SLC2A12: variants seen among roughly 807,000 people sequenced by gnomAD.
SLC2A12 encodes the protein solute carrier family 2, facilitated glucose transporter member 12.
SLC2A12 carries 23 observed loss-of-function variants against 41.8 expected under a neutral mutation model. That is an observed-to-expected ratio of 0.55 (90% CI 0.40 to 0.78). The LOEUF is 0.78. SLC2A12 is among the 30% of genes least tolerant of loss of function. SLC2A12 has a pLI of 0.00. For missense variants in SLC2A12, 654 were observed against 745.6 expected (o/e 0.88, Z 1.43); for synonymous variants, 295 against 285.9 (o/e 1.03, Z -0.32).
chr6:134,006,193 C>A (rs12194166), intron 3 of SLC2A12, among the ~76,000 whole-genome samples: 26,435 of 118,948 alleles, frequency 0.22, 3,126 homozygotes, highest in African/African-American at 0.33. Flanking sequence ...AAAAAAAAAA[C>A]AAAAAAAAAA....
chr6:134,021,603 T>C (rs1047741379), intron 2 of SLC2A12, among the ~76,000 whole-genome samples: 6 of 152,180 alleles, frequency 3.9e-5, no homozygotes, highest in African/African-American at 1.4e-4. Context: ...CTCTAGGAGA[T>C]AGGACAGATA....
At chr6:133,997,644 C>T (rs1236547473) in intron 4 of SLC2A12, among the ~76,000 whole-genome samples, 1 of 152,080 alleles carries the variant, frequency 6.6e-6, no homozygotes, top group South Asian at 2.1e-4. Flanking sequence ...ACTGAGACGA[C>T]TGGAGAGGAG....
chr6:133,997,085 CAAAAAAAAAAAAAAAA>C (rs58295985), intron 4 of SLC2A12, among the ~76,000 whole-genome samples: 1 of 70,716 alleles, frequency 1.4e-5, no homozygotes, highest in African/African-American at 5.5e-5. Flanking sequence ...ACTAAAAATA[CAAAAAAAAAAAAAAAA>C]AAAAAAAAAG....
intron 2 of SLC2A12, among the ~76,000 whole-genome samples, chr6:134,010,794 C>G (rs949460256): frequency 6.6e-6 from 1 of 152,270 alleles, no homozygotes; most frequent in South Asian, 2.1e-4. Context: ...GTTGAAGTCT[C>G]TCTGTCTCCG....
intron 2 of SLC2A12, among the ~76,000 whole-genome samples, chr6:134,010,214 C>T (rs1776861863): frequency 6.6e-6 from 1 of 152,128 alleles, no homozygotes; most frequent in African/African-American, 2.4e-5. Context: ...TCACTAATTC[C>T]TTTTCCCAAT....
Position 133,991,158 on chromosome 6 carries a change from G to A in SLC2A12, c.1851C>T (p.Thr617=), listed in dbSNP as rs137901312. ...CGTTCAGAAGGTGTTGAGGCCATTA[G>A]GTCTCTGGAGAAAGCTGCCTGGATT... ...RGQSRQLSPE[T] The change falls in exon 5 of 5, where the codon ACC becomes ACT. Residue 617 remains threonine (T), a synonymous_variant. Transcript: ENST00000275230. The A allele has an allele frequency of 1.2e-5, 20 of 1,612,266 alleles. No homozygotes were observed. Among genetic ancestry groups the A allele is most frequent in the Non-Finnish European group, 1.6e-5 (19 of 1,179,580 alleles).
chr6:134,046,459 A>G (rs1212690853), intron 1 of SLC2A12, among the ~76,000 whole-genome samples: 3 of 152,222 alleles, frequency 2.0e-5, no homozygotes, highest in African/African-American at 7.2e-5. Flanking sequence ...TAAAACTAGA[A>G]TGATGTAATA....
At chr6:133,994,228 A>G (rs1776656209) in intron 4 of SLC2A12, among the ~76,000 whole-genome samples, 1 of 152,238 alleles carries the variant, frequency 6.6e-6, no homozygotes, top group Admixed American at 6.5e-5. Flanking sequence ...GTAGTCGGAT[A>G]ACATTGACAT....
rs1474760477 is a variant in SLC2A12 at position 133,988,736 on chromosome 6, A to T, written c.*2419T>A. ...GACTTGTATTTTTCCTTTTTTTTAA[A>T]AAAAAAGTGTTTATTTCCTTTATTT... On this transcript the variant is annotated 3_prime_UTR_variant, in exon 5 of 5. Coordinates refer to ENST00000275230, the MANE Select transcript of SLC2A12 (RefSeq NM_145176.3). 2.6e-5 allele frequency: 4 copies of T among 151,934 alleles called. No homozygotes were observed. The highest frequency in any genetic ancestry group is 4.8e-5 in the African/African-American group (2 of 41,348). The allele number at this position is 151,934 out of a possible 1,614,324, so 9.4% of individuals were successfully genotyped here.
intron 3 of SLC2A12, among the ~76,000 whole-genome samples, chr6:134,004,386 C>T (rs912865101): frequency 5.3e-5 from 8 of 152,180 alleles, no homozygotes; most frequent in South Asian, 2.1e-4. Context: ...ACCCAAACCA[C>T]GCTTAAATAG....
At chr6:134,017,684 C>G (rs556644138) in intron 2 of SLC2A12, among the ~76,000 whole-genome samples, 85 of 152,064 alleles carry the variant, frequency 5.6e-4, no homozygotes, top group African/African-American at 2.0e-3. Flanking sequence ...AACCCTGTCT[C>G]TACTAAAAAT....
intron 1 of SLC2A12, among the ~76,000 whole-genome samples, chr6:134,049,341 T>A (rs1392969735): frequency 2.0e-5 from 3 of 152,004 alleles, no homozygotes; most frequent in African/African-American, 7.3e-5. Flanking sequence ...CAGTTGGGGG[T>A]GAAGGGAAAC....
chr6:134,002,137 G>A lies in SLC2A12; in HGVS notation c.1568-8C>T. 6.3e-7 allele frequency: 1 copy of A among 1,588,038 alleles called. No homozygotes were observed. On this transcript the variant is annotated splice_polypyrimidine_tract_variant and splice_region_variant and intron_variant, in intron 3 of 4. Transcript: ENST00000275230. ...ATGGCAGGCCAATAAGATCTATAAA[G>A]GACAAAAGAAATTGATTAGAAATGT... is the stretch of plus-strand genomic sequence containing the variant.
chr6:134,047,925 C>T (rs1424473828), intron 1 of SLC2A12, among the ~76,000 whole-genome samples: 1 of 152,316 alleles, frequency 6.6e-6, no homozygotes, highest in East Asian at 1.9e-4. Flanking sequence ...CTTCCTGCAG[C>T]GTGTGTCTGC....
rs140933939 is a variant in SLC2A12, at chr6:134,039,952, C to T, written c.104-10231G>A. Among the ~76,000 whole-genome samples, 420 of 152,272 alleles carry T rather than the reference C, an allele frequency of 2.8e-3. 2 individuals are homozygous for T. The highest frequency in any genetic ancestry group is 8.2e-3 in the African/African-American group (342 of 41,544). ...CATGATTGGAGGCTTCTCGAGGCCTCCCCAGAAGCAGATGTCACTATGCTT... is the reference window on the plus strand; with the variant it reads ...CATGATTGGAGGCTTCTCGAGGCCTTCCCAGAAGCAGATGTCACTATGCTT... On this transcript the variant is annotated intron_variant, in intron 1 of 4. Transcript: ENST00000275230.
At chr6:134,049,716 C>G (rs1279998822) in intron 1 of SLC2A12, among the ~76,000 whole-genome samples, 5 of 152,130 alleles carry the variant, frequency 3.3e-5, no homozygotes, top group African/African-American at 7.2e-5. Context: ...GAATTAAGTT[C>G]ATTAGCTTCT....
chr6:134,040,057 T>TA (rs1777359993), intron 1 of SLC2A12, among the ~76,000 whole-genome samples: 4 of 86,372 alleles, frequency 4.6e-5, no homozygotes, highest in Non-Finnish European at 8.7e-5. Flanking sequence ...TGTTGTTTTT[T>TA]GTTTTTTTTT....
chr6:134,046,930 A>T (rs1777462997), intron 1 of SLC2A12, among the ~76,000 whole-genome samples: 1 of 152,210 alleles, frequency 6.6e-6, no homozygotes, highest in South Asian at 2.1e-4. Flanking sequence ...TAATACAGAA[A>T]AAAAATTTGA....
chr6:134,024,624 G>A (rs1012561350), intron 2 of SLC2A12, among the ~76,000 whole-genome samples: 7 of 152,158 alleles, frequency 4.6e-5, no homozygotes, highest in African/African-American at 1.7e-4. Flanking sequence ...GACTGCACTC[G>A]TGCATTTTTA....
Sources: allele counts gnomAD v4.1 joint callset (sites outside exome capture counted in the v4.1 genomes callset), GRCh38; gene constraint gnomAD v4.1.1; transcripts MANE v1.5; gene names NCBI Gene and HGNC (gene_info 2026-07-23, HGNC 2026-07-21).